CHD1L: variants seen among roughly 807,000 people sequenced by gnomAD.
CHD1L encodes ATP-dependent chromatin remodeler CHD1L.
A neutral mutation model predicts 115.9 loss-of-function variants in CHD1L; 118 were observed. The observed-to-expected ratio is 1.02, with a 90% CI of 0.88 to 1.19. The LOEUF (loss-of-function observed/expected upper bound fraction) is 1.19. Ranked by LOEUF, CHD1L falls within the 50% of genes most tolerant of loss-of-function variation. The probability of loss-of-function intolerance (pLI) is 0.00; values close to 1 mark genes in which losing one functional copy is unlikely to be tolerated. For missense variants in CHD1L, 1,179 were observed against 1,065.3 expected, an observed-to-expected ratio of 1.11 and a Z score of -1.49; for synonymous variants, 411 against 387.1, an observed-to-expected ratio of 1.06 and a Z score of -0.72.
the CHD1L span, among the ~76,000 whole-genome samples, chr1:147,232,404 A>G: frequency 6.6e-6 from 1 of 152,124 alleles, no homozygotes; most frequent in Admixed American, 6.5e-5. Flanking sequence ...CTAGCCCTCC[A>G]AGCTCCTAGA....
chr1:147,202,309 G>GTCTTTTTTTTTTTTTTTTTTT, the CHD1L span, among the ~76,000 whole-genome samples: 2 of 118,436 alleles, frequency 1.7e-5, 1 homozygote, highest in African/African-American at 6.3e-5. Context: ...CTAAAAAGCA[G>GTCTTTTTTTTTTTTTTTTTTT]TTCTTTTTTT....
At chr1:147,285,043 G>A (rs587676221) in intron 16 of CHD1L, among the ~76,000 whole-genome samples, 2 of 152,312 alleles carry the variant, frequency 1.3e-5, no homozygotes, top group Non-Finnish European at 2.9e-5. Context: ...CTTTTCTGAA[G>A]TAACTTATTC....
intron 1 of CHD1L, among the ~76,000 whole-genome samples, chr1:147,251,458 T>C (rs1553936307): frequency 6.6e-6 from 1 of 152,216 alleles, no homozygotes; most frequent in East Asian, 1.9e-4. Flanking sequence ...TTTCTGATTA[T>C]AAAATGGGGA....
the CHD1L span, among the ~76,000 whole-genome samples, chr1:147,231,398 A>C: frequency 6.6e-6 from 1 of 152,214 alleles, no homozygotes; most frequent in South Asian, 2.1e-4. Flanking sequence ...CTGTTCTTTT[A>C]CATTTGCTGA....
At chr1:147,210,385 A>G in the CHD1L span, 6 of 152,250 alleles carry the variant, frequency 3.9e-5, no homozygotes, top group Admixed American at 6.5e-5. Context: ...TTCCTACACT[A>G]TGAAACTCTC....
At chr1:147,247,995 G>A (rs12044706) in intron 1 of CHD1L, among the ~76,000 whole-genome samples, 3,212 of 152,216 alleles carry the variant, frequency 0.021, 131 homozygotes, top group East Asian at 0.17. Flanking sequence ...TCCATCTCAA[G>A]CCCCTTAACC....
chr1:147,178,387 T>C, the CHD1L span: 1 of 1,611,204 alleles, frequency 6.2e-7, no homozygotes, highest in Non-Finnish European at 8.5e-7. Flanking sequence ...CACTAACACC[T>C]GTAATAAATA....
chr1:147,215,988 A>T, the CHD1L span: 1 of 1,421,770 alleles, frequency 7.0e-7, no homozygotes, highest in Admixed American at 2.0e-5. Context: ...GATCATCTTC[A>T]TGTTTTATAA....
the CHD1L span, among the ~76,000 whole-genome samples, chr1:147,200,639 A>C: frequency 6.6e-6 from 1 of 152,134 alleles, no homozygotes; most frequent in African/African-American, 2.4e-5. Flanking sequence ...AGGGGACATA[A>C]AAGGAGAAAA....
the CHD1L span, among the ~76,000 whole-genome samples, chr1:147,180,597 G>T: frequency 6.6e-6 from 1 of 152,180 alleles, no homozygotes; most frequent in Non-Finnish European, 1.5e-5. Flanking sequence ...GGCCTGAAAA[G>T]AGCCTTAAAA....
At chr1:147,271,042 G>T (rs782418335) in intron 11 of CHD1L, 37 bp downstream of exon 11, 4 of 1,534,348 alleles carry the variant, frequency 2.6e-6, no homozygotes, top group Non-Finnish European at 3.6e-6. Context: ...CTAAGGCTCT[G>T]TTAGACTTAA....
chr1:147,188,549 TATAGTATTC>T, the CHD1L span, among the ~76,000 whole-genome samples: 2 of 138,512 alleles, frequency 1.4e-5, no homozygotes, highest in Non-Finnish European at 3.1e-5. Context: ...AAAAAAGAGC[TATAGTATTC>T]ATGAAGGTTT....
intron 10 of CHD1L, among the ~76,000 whole-genome samples, chr1:147,270,608 C>T (rs1014905582): frequency 4.6e-5 from 7 of 151,642 alleles, no homozygotes; most frequent in Non-Finnish European, 7.4e-5. Flanking sequence ...GCTTATATTT[C>T]TTTCCATTGA....
At chr1:147,234,796 T>C in the CHD1L span, among the ~76,000 whole-genome samples, 1 of 152,172 alleles carries the variant, frequency 6.6e-6, no homozygotes, top group Non-Finnish European at 1.5e-5. Context: ...TTATGAAAGA[T>C]TTTAACCAGC....
chr1:147,178,980 A>C, the CHD1L span: 1 of 1,613,772 alleles, frequency 6.2e-7, no homozygotes, highest in Non-Finnish European at 8.5e-7. Flanking sequence ...TGGCAAAGAA[A>C]TTCCTGGATG....
chr1:147,213,254 G>A, the CHD1L span: 1 of 1,423,114 alleles, frequency 7.0e-7, no homozygotes, highest in East Asian at 2.5e-5. Context: ...CCATTCCTCA[G>A]GGGTCAGGTC....
At chr1:147,243,146 G>T (rs1665357708) in intron 1 of CHD1L, 2 of 224,220 alleles carry the variant, frequency 8.9e-6, no homozygotes, top group South Asian at 1.8e-4. Flanking sequence ...TGAAGAGTTG[G>T]ACGGCCTGGT....
rs782438692 is a variant in CHD1L at position 147,268,916 on chromosome 1, G to A, written c.1085+38G>A. ...TTCACATTTGCTGCTCTGAGCTAAT[G>A]ACTGTTAAAACCTGACTATTGAGGA... is the stretch of plus-strand genomic sequence containing the variant. On this transcript the variant is annotated intron_variant, in intron 10 of 22. Coordinates refer to ENST00000369258, the MANE Select transcript of CHD1L (RefSeq NM_004284.6). The A allele has an allele frequency of 4.6e-6, 7 of 1,532,910 alleles. No individual in the cohort carries two copies. In the Middle Eastern group the frequency reaches 6.8e-4, roughly 149 times the overall value. The allele number at this position is 1,532,910 out of a possible 1,614,324, so 95.0% of individuals were successfully genotyped here.
At chr1:147,208,691 C>T in the CHD1L span, 57 of 562,446 alleles carry the variant, frequency 1.0e-4, no homozygotes, top group South Asian at 6.4e-4. Context: ...CACCCGCCTC[C>T]GCCTCCCAGA....
Sources: gnomAD v4.1 joint callset for allele counts (sites outside exome capture counted in the v4.1 genomes callset) on GRCh38, gnomAD v4.1.1 for gene constraint, MANE v1.5 for transcripts, NCBI Gene and HGNC (gene_info 2026-07-23, HGNC 2026-07-21) for gene names.